MCC: variants seen among roughly 807,000 people sequenced by gnomAD.
The protein encoded by MCC is colorectal mutant cancer protein.
A neutral mutation model predicts 116.2 loss-of-function variants in MCC; 90 were observed. The observed-to-expected ratio is 0.77, with a 90% confidence interval of 0.65 to 0.92. The LOEUF is 0.92. MCC is among the 40% of genes least tolerant of loss of function. The pLI is 0.00. For missense variants in MCC, 1,516 were observed against 1,312.2 expected (o/e 1.16, Z -2.40); for synonymous variants, 578 against 510.5 (o/e 1.13, Z -1.78).
chr5:113,437,313 TGCCCTCA>T (rs1770892563), intron 1 of MCC: 1 of 152,202 alleles, frequency 6.6e-6, no homozygotes, highest in Non-Finnish European at 1.5e-5. Flanking sequence ...GTCCCCTGGC[TGCCCTCA>T]GCACAGAGCT....
At chr5:113,252,505 C>A (rs1025861231) in intron 3 of MCC, among the ~76,000 whole-genome samples, 2 of 152,180 alleles carry the variant, frequency 1.3e-5, no homozygotes, top group Non-Finnish European at 2.9e-5. Flanking sequence ...CCATCACCCC[C>A]AGATGGGACA....
chr5:113,326,934 C>T (rs1426798381), intron 3 of MCC, among the ~76,000 whole-genome samples: 3 of 152,130 alleles, frequency 2.0e-5, no homozygotes, highest in African/African-American at 7.2e-5. Flanking sequence ...TGCAGCATTT[C>T]CTTGCAAGGA....
intron 3 of MCC, among the ~76,000 whole-genome samples, chr5:113,315,557 T>C (rs566913522): frequency 1.1e-4 from 16 of 152,164 alleles, no homozygotes; most frequent in South Asian, 2.1e-4. Flanking sequence ...ATGCCCTTCA[T>C]GTGCTCCTTT....
At chr5:113,148,057 A>C (rs1355053471) in intron 4 of MCC, among the ~76,000 whole-genome samples, 1 of 152,192 alleles carries the variant, frequency 6.6e-6, no homozygotes, top group Non-Finnish European at 1.5e-5. Context: ...CTCCTTCTGA[A>C]GTACTTAAAA....
intron 1 of MCC, chr5:113,433,539 G>T: frequency 1.5e-6 from 1 of 659,030 alleles, no homozygotes; most frequent in Non-Finnish European, 2.6e-6. Context: ...TCTCAGCCTT[G>T]GATTTGACTT....
At chr5:113,287,476 G>A (rs753202114) in intron 3 of MCC, among the ~76,000 whole-genome samples, 27 of 152,000 alleles carry the variant, frequency 1.8e-4, no homozygotes, top group African/African-American at 4.6e-4. Flanking sequence ...ACAAGTGCCC[G>A]CCACCATGCC....
At chr5:113,287,353 G>A (rs1043724159) in intron 3 of MCC, among the ~76,000 whole-genome samples, 2 of 152,076 alleles carry the variant, frequency 1.3e-5, no homozygotes, top group East Asian at 1.9e-4. Flanking sequence ...TTTTGAGACA[G>A]AGTCTCGCTC....
At chr5:113,312,585 A>C (rs907414954) in intron 3 of MCC, among the ~76,000 whole-genome samples, 1 of 152,168 alleles carries the variant, frequency 6.6e-6, no homozygotes, top group Non-Finnish European at 1.5e-5. Context: ...AATGCAAAGA[A>C]ATGAGGCTGG....
intron 3 of MCC, among the ~76,000 whole-genome samples, chr5:113,206,819 A>G (rs79117250): frequency 0.028 from 4,279 of 152,316 alleles, 101 homozygotes; most frequent in African/African-American, 0.062. Context: ...ATCCTTCGTA[A>G]TATTTGTATA....
chr5:113,126,479 A>T (rs1175101499), intron 5 of MCC, among the ~76,000 whole-genome samples: 1 of 152,210 alleles, frequency 6.6e-6, no homozygotes, highest in Non-Finnish European at 1.5e-5. Context: ...GAGCTGCATG[A>T]ATCCATTTAT....
intron 1 of MCC, among the ~76,000 whole-genome samples, chr5:113,463,808 C>T (rs548908655): frequency 8.6e-4 from 131 of 152,084 alleles, no homozygotes; most frequent in African/African-American, 2.7e-3. Flanking sequence ...AAATAAGAGA[C>T]GAAACGTAAA....
chr5:113,067,130 C>G (rs1326089080), intron 13 of MCC, among the ~76,000 whole-genome samples: 1 of 152,170 alleles, frequency 6.6e-6, no homozygotes, highest in East Asian at 1.9e-4. Context: ...ATTAGATACT[C>G]CTTCCACCTT....
In MCC at chr5:113,151,420, G is replaced by C. The variant is rs1369799661; in HGVS notation, c.630C>G (p.Leu210=). 1 of 1,570,188 alleles carries C rather than the reference G, an allele frequency of 6.4e-7. No individual in the cohort carries two copies. The highest frequency in any genetic ancestry group is 8.7e-7 in the Non-Finnish European group (1 of 1,143,078). Residue 210 remains leucine, a splice_region_variant and synonymous_variant, in exon 4 of 19, where the codon CTC becomes CTG. Coordinates refer to ENST00000408903, the MANE Select transcript of MCC (RefSeq NM_001085377.2). Reference sequence around the variant, plus strand: ...TTAGTGATGCCAGGGCTGCTGAATGGAGCTGTGGTGACAGAAAGGAGGAGA... The same window carrying C: ...TTAGTGATGCCAGGGCTGCTGAATGCAGCTGTGGTGACAGAAAGGAGGAGA... ...GGSYLELANT[L]HSAALASLKG...
chr5:113,328,108 T>A (rs1767611286), intron 3 of MCC, among the ~76,000 whole-genome samples: 3 of 152,172 alleles, frequency 2.0e-5, no homozygotes, highest in African/African-American at 7.2e-5. Context: ...GTCTTATAAA[T>A]ACGACTTACC....
chr5:113,042,891 T>C (rs1751815190), intron 17 of MCC, among the ~76,000 whole-genome samples: 1 of 152,136 alleles, frequency 6.6e-6, no homozygotes, highest in Non-Finnish European at 1.5e-5. Flanking sequence ...TCTTTGTTCT[T>C]TTTAATGTGG....
intron 2 of MCC, among the ~76,000 whole-genome samples, chr5:113,374,413 AGAGAAGTAAGTTCT>A (rs959194574): frequency 6.6e-6 from 1 of 152,142 alleles, no homozygotes; most frequent in Non-Finnish European, 1.5e-5. Flanking sequence ...ACAAACTAAA[AGAGAAGTAAGTTCT>A]GAGGTTTATA....
rs540913761 is a variant in MCC, at chr5:113,434,110, C to T, written c.171-48898G>A. ...ATGTGGTAGATGAGGTCCTTGCACT[C>T]GCCTGTCAGGTGCTTGGAGCGTGGG... is the stretch of plus-strand genomic sequence containing the variant. On this transcript the variant is annotated intron_variant, in intron 1 of 18. Transcript: ENST00000408903. This position sits in a 1 kb window ranked among gnomAD's most constrained non-coding sequence, Gnocchi z 4.2. 65 of 1,614,050 alleles carry T rather than the reference C, an allele frequency of 4.0e-5. No individual in the cohort carries two copies. Among genetic ancestry groups the T allele is most frequent in the Non-Finnish European group, 5.1e-5 (60 of 1,180,038 alleles).
intron 15 of MCC, among the ~76,000 whole-genome samples, chr5:113,052,846 G>A (rs1194740275): frequency 6.6e-6 from 1 of 152,136 alleles, no homozygotes; most frequent in Non-Finnish European, 1.5e-5. Flanking sequence ...TCCTTCTGGT[G>A]ACCAGCCCAC....
rs1456173576 is a variant in MCC at position 113,483,843 on chromosome 5, C to T, written c.170+4402G>A. The stretch of plus-strand genomic sequence containing the variant: ...CAAAGAAAGTGTGGTATGTATATGC[C>T]ATGTGATACTACACAGTCATAAAAA... On this transcript the variant is annotated intron_variant, in intron 1 of 18. Coordinates refer to ENST00000408903, the MANE Select transcript of MCC (RefSeq NM_001085377.2). 5.9e-5 allele frequency among the ~76,000 whole-genome samples: 9 copies of T among 152,134 alleles called. No homozygotes were observed. The South Asian group carries it at 1.9e-3, about 32-fold the overall frequency.
Sources: gnomAD v4.1 joint callset for allele counts (sites outside exome capture counted in the v4.1 genomes callset) on GRCh38, gnomAD v4.1.1 for gene constraint, Gnocchi (gnomAD v3.1) non-coding constraint, MANE v1.5 for transcripts, NCBI Gene and HGNC (gene_info 2026-07-23, HGNC 2026-07-21) for gene names.